SNTG1: variants seen among roughly 807,000 people sequenced by gnomAD.
The protein encoded by SNTG1 is gamma-1-syntrophin.
In SNTG1, 39 loss-of-function variants were observed where a neutral mutation model predicts 74.7. That is an observed-to-expected ratio of 0.52 (90% CI 0.40 to 0.68). SNTG1 has a LOEUF of 0.68. Ranked by LOEUF, SNTG1 falls within the 30% of genes least tolerant of loss-of-function variation. The pLI is 0.00. For missense variants in SNTG1, 685 were observed against 609.5 expected (o/e 1.12, Z -1.30); for synonymous variants, 254 against 217.1 (o/e 1.17, Z -1.49).
At chr8:49,971,224 T>A (rs1184905915) in intron 1 of SNTG1, among the ~76,000 whole-genome samples, 2 of 152,142 alleles carry the variant, frequency 1.3e-5, no homozygotes, top group East Asian at 3.9e-4. Flanking sequence ...CATATGCCAA[T>A]CAATAAACAA....
At chr8:50,315,603 T>C (rs1437335052) in intron 2 of SNTG1, among the ~76,000 whole-genome samples, 2 of 149,932 alleles carry the variant, frequency 1.3e-5, no homozygotes, top group Non-Finnish European at 2.9e-5. Flanking sequence ...GCAGATTGCT[T>C]CAATAAAGCA....
intron 9 of SNTG1, among the ~76,000 whole-genome samples, chr8:50,516,547 T>TA (rs1295184461): frequency 6.6e-6 from 1 of 151,878 alleles, no homozygotes; most frequent in Middle Eastern, 3.2e-3. Context: ...TAAAAACCTT[T>TA]AAAAAAAGGT....
chr8:50,348,420 T>C (rs919130920), intron 2 of SNTG1, among the ~76,000 whole-genome samples: 6 of 152,206 alleles, frequency 3.9e-5, no homozygotes, highest in African/African-American at 1.4e-4. Context: ...AAATGACTAA[T>C]GTATGTTATA....
chr8:50,288,515 A>C (rs2088910026), intron 2 of SNTG1, among the ~76,000 whole-genome samples: 1 of 152,060 alleles, frequency 6.6e-6, no homozygotes, highest in Non-Finnish European at 1.5e-5. Context: ...TTTGCTTGTC[A>C]TTTTTTAAAT....
At chr8:50,196,513 CATTT>C (rs993566264) in intron 2 of SNTG1, among the ~76,000 whole-genome samples, 13 of 152,232 alleles carry the variant, frequency 8.5e-5, no homozygotes, top group African/African-American at 2.9e-4. Flanking sequence ...CTCTCTCTCT[CATTT>C]GTTTTGGATT....
chr8:50,397,352 C>A (rs534423277), intron 3 of SNTG1, among the ~76,000 whole-genome samples: 100 of 152,226 alleles, frequency 6.6e-4, no homozygotes, highest in Non-Finnish European at 1.1e-3. Flanking sequence ...AGGTGATTTT[C>A]GATATCTAAA....
chr8:50,715,293 T>G (rs921804864), intron 17 of SNTG1, among the ~76,000 whole-genome samples: 1 of 152,170 alleles, frequency 6.6e-6, no homozygotes, highest in Non-Finnish European at 1.5e-5. Flanking sequence ...TGGGTAAGAG[T>G]AAAAGACAGC....
chr8:50,749,886 C>T (rs1294978741), intron 17 of SNTG1, among the ~76,000 whole-genome samples: 3 of 152,006 alleles, frequency 2.0e-5, no homozygotes, highest in Admixed American at 2.0e-4. Context: ...GTCTTCTTGT[C>T]TGCTAACACA....
At chr8:50,401,875 C>T (rs539946319) in intron 3 of SNTG1, among the ~76,000 whole-genome samples, 50 of 152,172 alleles carry the variant, frequency 3.3e-4, no homozygotes, top group African/African-American at 1.2e-3. Flanking sequence ...AATTATATCT[C>T]AATAAAGCAA....
chr8:50,162,559 CAA>C (rs34746562), intron 1 of SNTG1, among the ~76,000 whole-genome samples: 58 of 83,946 alleles, frequency 6.9e-4, no homozygotes, highest in Middle Eastern at 0.011. Flanking sequence ...GACTCTGTCT[CAA>C]AAAAAAAAAA....
At chr8:50,497,514 T>A (rs1180126760) in intron 8 of SNTG1, among the ~76,000 whole-genome samples, 1 of 151,980 alleles carries the variant, frequency 6.6e-6, no homozygotes, top group Non-Finnish European at 1.5e-5. Flanking sequence ...GAGGTTATAA[T>A]ATAATGTCAA....
At chr8:50,676,183 G>A (rs1309144816) in intron 15 of SNTG1, among the ~76,000 whole-genome samples, 2 of 151,994 alleles carry the variant, frequency 1.3e-5, no homozygotes, top group Non-Finnish European at 2.9e-5. Context: ...GGCCTTTCTT[G>A]CTAGATTGGG....
At chr8:50,302,299 T>G (rs1290511498) in intron 2 of SNTG1, among the ~76,000 whole-genome samples, 1 of 152,200 alleles carries the variant, frequency 6.6e-6, no homozygotes, top group East Asian at 1.9e-4. Context: ...CTATTAGGTG[T>G]GCAGACTTCC....
At chr8:50,393,944 C>T (rs1410214542) in intron 2 of SNTG1, among the ~76,000 whole-genome samples, 1 of 152,190 alleles carries the variant, frequency 6.6e-6, no homozygotes, top group African/African-American at 2.4e-5. Flanking sequence ...TGAATGCCTG[C>T]TGGCGGGGTG....
At chr8:50,649,153 G>A (rs181535004) in intron 13 of SNTG1, among the ~76,000 whole-genome samples, 4 of 152,014 alleles carry the variant, frequency 2.6e-5, no homozygotes, top group African/African-American at 9.6e-5. Flanking sequence ...TTTCCACATC[G>A]GCACATAGTT....
intron 5 of SNTG1, among the ~76,000 whole-genome samples, chr8:50,447,386 A>C (rs2093416831): frequency 6.6e-6 from 1 of 152,238 alleles, no homozygotes; most frequent in South Asian, 2.1e-4. Flanking sequence ...TCCCTGTCCC[A>C]AAATATCTGA....
At chr8:50,168,371 A>G (rs2131634786) in intron 1 of SNTG1, among the ~76,000 whole-genome samples, 1 of 152,286 alleles carries the variant, frequency 6.6e-6, no homozygotes, top group East Asian at 1.9e-4. Context: ...TATTACTGCC[A>G]TTAAGTAACA....
intron 17 of SNTG1, among the ~76,000 whole-genome samples, chr8:50,725,228 T>C (rs963560715): frequency 1.4e-4 from 22 of 152,232 alleles, no homozygotes; most frequent in Non-Finnish European, 2.9e-4. Context: ...TTCAAGCATA[T>C]GCTAATTTGT....
At chr8:50,560,137 A>C (rs957292193) in intron 12 of SNTG1, among the ~76,000 whole-genome samples, 28 of 152,348 alleles carry the variant, frequency 1.8e-4, no homozygotes, top group Admixed American at 1.6e-3. Context: ...ATCACTGGTC[A>C]TTAGAGAAAT....
Sources: allele counts gnomAD v4.1 joint callset (sites outside exome capture counted in the v4.1 genomes callset), GRCh38; gene constraint gnomAD v4.1.1; transcripts MANE v1.5; gene names NCBI Gene and HGNC (gene_info 2026-07-23, HGNC 2026-07-21).